The following GRID2 variants were observed in gnomAD, a reference collection of about 807,000 sequenced individuals.
GRID2 encodes glutamate receptor ionotropic, delta-2.
In GRID2, 33 loss-of-function variants were observed where a neutral mutation model predicts 114.8. That is an observed-to-expected ratio of 0.29 (90% CI 0.22 to 0.38). GRID2 has a LOEUF of 0.38. GRID2 is among the 10% of genes least tolerant of loss of function. GRID2 has a pLI of 1.00. For synonymous variants in GRID2, 505 were observed against 449.9 expected (o/e 1.12, Z -1.55); for missense variants, 1,184 against 1,257.7 (o/e 0.94, Z 0.89).
chr4:93,098,168 G>A (rs1327033565), intron 3 of GRID2, among the ~76,000 whole-genome samples: 2 of 151,924 alleles, frequency 1.3e-5, no homozygotes, highest in Admixed American at 6.6e-5. Flanking sequence ...CAAAGCACTT[G>A]TACTGTGTTT....
intron 8 of GRID2, among the ~76,000 whole-genome samples, chr4:93,359,772 G>T (rs1357252737): frequency 8.2e-6 from 1 of 122,380 alleles, no homozygotes; most frequent in African/African-American, 3.0e-5. Flanking sequence ...CATGGATAGC[G>T]CTACTGTTTC....
intron 1 of GRID2, among the ~76,000 whole-genome samples, chr4:92,549,834 A>G (rs1297555601): frequency 6.6e-6 from 1 of 152,184 alleles, no homozygotes; most frequent in African/African-American, 2.4e-5. Flanking sequence ...TGCATAATCT[A>G]TATGACTATA....
At chr4:93,551,379 A>G (rs566066876) in intron 13 of GRID2, among the ~76,000 whole-genome samples, 1 of 152,310 alleles carries the variant, frequency 6.6e-6, no homozygotes, top group Admixed American at 6.5e-5. Flanking sequence ...GAAATAAAGG[A>G]GTGAGCCAAA....
intron 12 of GRID2, among the ~76,000 whole-genome samples, chr4:93,492,702 C>T (rs909933181): frequency 6.6e-6 from 1 of 151,632 alleles, no homozygotes; most frequent in African/African-American, 2.4e-5. Flanking sequence ...CAAATCCAAT[C>T]AATAGAAGTC....
chr4:92,881,146 G>A (rs913725109), intron 2 of GRID2, among the ~76,000 whole-genome samples: 3 of 151,970 alleles, frequency 2.0e-5, no homozygotes, highest in African/African-American at 4.8e-5. Context: ...CAGGTGATCC[G>A]CCCACATCGG....
At chr4:93,268,724 G>T (rs750163816) in intron 8 of GRID2, among the ~76,000 whole-genome samples, 14 of 152,106 alleles carry the variant, frequency 9.2e-5, no homozygotes, top group Non-Finnish European at 1.9e-4. Context: ...GTGGGTCAAA[G>T]ATTTATTAAA....
intron 2 of GRID2, among the ~76,000 whole-genome samples, chr4:92,758,545 T>A (rs1737838862): frequency 6.6e-6 from 1 of 152,092 alleles, no homozygotes; most frequent in Admixed American, 6.5e-5. Context: ...CTTTAAGTAC[T>A]CAATGGGGAT....
intron 14 of GRID2, among the ~76,000 whole-genome samples, chr4:93,755,848 AC>A (rs1732700799): frequency 1.3e-5 from 2 of 152,208 alleles, no homozygotes; most frequent in Non-Finnish European, 2.9e-5. Context: ...GTGCTAGAAA[AC>A]AATTCAGTTT....
rs186444282 is a variant in GRID2, at chr4:92,947,036, G to A, written c.245-137959G>A. ...CAATAGTTTCTGAAAGCACTACCTT[G>A]TATAATTATGACATGCTAATAATTT... On this transcript the variant is annotated intron_variant, in intron 2 of 15. Transcript: ENST00000282020. 3.0e-3 allele frequency among the ~76,000 whole-genome samples: 456 copies of A among 152,132 alleles called. 1 individual carries two copies. Among genetic ancestry groups the A allele is most frequent in the Non-Finnish European group, 5.0e-3 (341 of 67,932 alleles).
At chr4:93,760,452 T>C (rs767281293) in intron 14 of GRID2, among the ~76,000 whole-genome samples, 10 of 152,224 alleles carry the variant, frequency 6.6e-5, no homozygotes, top group Non-Finnish European at 1.0e-4. Flanking sequence ...CATATCAGGT[T>C]TGAAGCAACA....
chr4:93,045,339 A>G (rs1273558990), intron 2 of GRID2, among the ~76,000 whole-genome samples: 1 of 151,930 alleles, frequency 6.6e-6, no homozygotes, highest in Non-Finnish European at 1.5e-5. Context: ...GCATCTGCTC[A>G]TGTGGTATCT....
At chr4:92,596,760 A>AAT (rs1470423275) in intron 2 of GRID2, among the ~76,000 whole-genome samples, 1 of 152,092 alleles carries the variant, frequency 6.6e-6, no homozygotes, top group Non-Finnish European at 1.5e-5. Context: ...AGCAATTAAA[A>AAT]ATATATATAT....
intron 2 of GRID2, among the ~76,000 whole-genome samples, chr4:93,081,171 G>A (rs557892860): frequency 1.1e-4 from 17 of 152,086 alleles, no homozygotes; most frequent in African/African-American, 3.4e-4. Context: ...TAAAATCACC[G>A]GAGGAAGTTA....
chr4:92,378,710 T>C (rs1465773847), intron 1 of GRID2, among the ~76,000 whole-genome samples: 1 of 152,006 alleles, frequency 6.6e-6, no homozygotes, highest in Non-Finnish European at 1.5e-5. Flanking sequence ...TTTAATCAAG[T>C]TGAGCTATTA....
rs577182639 is a variant in GRID2, at chr4:92,770,792, C to T, written c.244+180506C>T. ...ATCACCTCCAACCGGGTTCCTCCCACGACACCTCGGAATTGTGGGAGTTAC... is the reference window on the plus strand; with the variant it reads ...ATCACCTCCAACCGGGTTCCTCCCATGACACCTCGGAATTGTGGGAGTTAC... On this transcript the variant is annotated intron_variant, in intron 2 of 15. Transcript: ENST00000282020. Among the ~76,000 whole-genome samples, 25 of 152,250 alleles carry T rather than the reference C, an allele frequency of 1.6e-4. No homozygotes were observed. In the South Asian group the frequency reaches 2.1e-3, roughly 13 times the overall value.
chr4:92,411,311 T>G (rs1731287574), intron 1 of GRID2, among the ~76,000 whole-genome samples: 1 of 152,132 alleles, frequency 6.6e-6, no homozygotes, highest in East Asian at 1.9e-4. Flanking sequence ...AACGGAGGCT[T>G]GTGAGACTGA....
intron 2 of GRID2, among the ~76,000 whole-genome samples, chr4:92,644,727 C>T (rs1008593722): frequency 2.0e-5 from 3 of 151,508 alleles, no homozygotes; most frequent in African/African-American, 7.3e-5. Context: ...AATATGTTTA[C>T]TCTTTTTGTG....
At chr4:92,831,408 C>G (rs1742090446) in intron 2 of GRID2, among the ~76,000 whole-genome samples, 1 of 150,990 alleles carries the variant, frequency 6.6e-6, no homozygotes, top group Non-Finnish European at 1.5e-5. Flanking sequence ...AAAACGTGAG[C>G]TAAATGATTG....
chr4:92,576,297 A>G (rs1349553457), intron 1 of GRID2, among the ~76,000 whole-genome samples: 1 of 151,770 alleles, frequency 6.6e-6, no homozygotes, highest in African/African-American at 2.4e-5. Flanking sequence ...GACCATTTGG[A>G]CTCTCCAAAA....
Sources: allele counts gnomAD v4.1 joint callset (sites outside exome capture counted in the v4.1 genomes callset), GRCh38; gene constraint gnomAD v4.1.1; transcripts MANE v1.5; gene names NCBI Gene and HGNC (gene_info 2026-07-23, HGNC 2026-07-21).